The following ASTN2 variants were observed in gnomAD, a reference collection of about 807,000 sequenced individuals.
The protein encoded by ASTN2 is astrotactin-2.
In ASTN2, 54 loss-of-function variants were observed where a neutral mutation model predicts 139.8. The ratio of observed to expected loss-of-function variants is 0.39; its 90% CI spans 0.31 to 0.48. The LOEUF is 0.48. Among genes scored for constraint, ASTN2 ranks in the 20% least tolerant of loss-of-function variants. The probability of loss-of-function intolerance (pLI) is 0.95; values close to 1 mark genes in which losing one functional copy is unlikely to be tolerated. For missense variants in ASTN2, 1,565 were observed against 1,725.1 expected (o/e 0.91, Z 1.64); for synonymous variants, 756 against 719.5 (o/e 1.05, Z -0.81).
chr9:116,605,319 C>T (rs574246799), intron 19 of ASTN2, among the ~76,000 whole-genome samples: 134 of 152,162 alleles, frequency 8.8e-4, no homozygotes, highest in African/African-American at 3.1e-3. Flanking sequence ...GTGGATAGGG[C>T]CTGCTGCCTC....
intron 4 of ASTN2, among the ~76,000 whole-genome samples, chr9:117,128,371 CAAAAAAAAAAAAAAAAAA>C (rs1167187783): frequency 1.5e-5 from 1 of 66,414 alleles, no homozygotes; most frequent in African/African-American, 5.9e-5. Context: ...GACACTGTCT[CAAAAAAAAAAAAAAAAAA>C]AAAAAAAAAA....
chr9:116,461,578 TG>T (rs1588081176), intron 20 of ASTN2, among the ~76,000 whole-genome samples: 1 of 152,124 alleles, frequency 6.6e-6, no homozygotes, highest in East Asian at 1.9e-4. Flanking sequence ...CCTCTTCATC[TG>T]GGACCATGTG....
At chr9:116,516,620 C>T (rs1054544262) in intron 19 of ASTN2, among the ~76,000 whole-genome samples, 1 of 152,184 alleles carries the variant, frequency 6.6e-6, no homozygotes, top group Non-Finnish European at 1.5e-5. Flanking sequence ...AATCCACAGA[C>T]CCTTTGAAGG....
intron 20 of ASTN2, among the ~76,000 whole-genome samples, chr9:116,481,575 A>C (rs925030520): frequency 6.6e-6 from 1 of 152,192 alleles, no homozygotes; most frequent in African/African-American, 2.4e-5. Flanking sequence ...TTTGAAAAAC[A>C]TAGAGTGGCA....
chr9:117,101,134 A>G (rs1052522569), intron 4 of ASTN2, among the ~76,000 whole-genome samples: 1 of 152,206 alleles, frequency 6.6e-6, no homozygotes, highest in African/African-American at 2.4e-5. Context: ...GTTTAACAGA[A>G]TGAAAGGGAG....
intron 1 of ASTN2, among the ~76,000 whole-genome samples, chr9:117,350,832 A>G (rs1829365186): frequency 6.6e-6 from 1 of 152,200 alleles, no homozygotes; most frequent in African/African-American, 2.4e-5. Flanking sequence ...CAAAATGTCT[A>G]GAAGTTCGGT....
At chr9:117,384,636 C>T (rs780085596) in intron 1 of ASTN2, among the ~76,000 whole-genome samples, 16 of 152,218 alleles carry the variant, frequency 1.1e-4, no homozygotes, top group Non-Finnish European at 2.2e-4. Flanking sequence ...CCACATGATA[C>T]ACTGAGAGGG....
intron 6 of ASTN2, among the ~76,000 whole-genome samples, chr9:117,016,602 ATC>A (rs1564385612): frequency 0.3 from 10,614 of 34,986 alleles, 1,257 homozygotes; most frequent in South Asian, 0.34. Context: ...TTATATATAT[ATC>A]TATATCTATA....
intron 1 of ASTN2, among the ~76,000 whole-genome samples, chr9:117,302,671 G>T (rs775151622): frequency 1.2e-4 from 19 of 152,138 alleles, no homozygotes; most frequent in Non-Finnish European, 2.2e-4. Flanking sequence ...GACCTGACAT[G>T]TAAAATGCAA....
At chr9:116,901,274 G>C (rs1346132791) in intron 10 of ASTN2, among the ~76,000 whole-genome samples, 1 of 152,172 alleles carries the variant, frequency 6.6e-6, no homozygotes, top group Non-Finnish European at 1.5e-5. Flanking sequence ...CCCATAAGGA[G>C]GCTGAGGTGG....
intron 1 of ASTN2, among the ~76,000 whole-genome samples, chr9:117,292,090 A>G (rs1834608985): frequency 6.6e-6 from 1 of 152,082 alleles, no homozygotes; most frequent in Non-Finnish European, 1.5e-5. Flanking sequence ...ATTTTTTGTA[A>G]GGTATATACT....
chr9:116,554,556 ATGGCTTGTTTT>A (rs1852510410), intron 19 of ASTN2, among the ~76,000 whole-genome samples: 1 of 152,204 alleles, frequency 6.6e-6, no homozygotes, highest in African/African-American at 2.4e-5. Flanking sequence ...GTCATGAAGG[ATGGCTTGTTTT>A]AGTGCTAATA....
intron 13 of ASTN2, among the ~76,000 whole-genome samples, chr9:116,777,314 T>A (rs1302865416): frequency 6.6e-6 from 1 of 152,068 alleles, no homozygotes; most frequent in Non-Finnish European, 1.5e-5. Flanking sequence ...AATTTGATAA[T>A]CATATCCTTC....
intron 17 of ASTN2, among the ~76,000 whole-genome samples, chr9:116,627,803 T>G (rs1856539399): frequency 6.6e-6 from 1 of 152,144 alleles, no homozygotes; most frequent in Admixed American, 6.6e-5. Flanking sequence ...TGATATTTAT[T>G]GAGTACTTAC....
At chr9:117,040,068 A>AAAAAGAAAAG (rs1408984371) in intron 5 of ASTN2, 103 bp from the exon 6 acceptor site, 2 of 1,321,756 alleles carry the variant, frequency 1.5e-6, no homozygotes, top group Admixed American at 2.7e-5. Flanking sequence ...GGGAATCTGA[A>AAAAAGAAAAG]AAAAGAAAAG....
At chr9:117,211,498 T>C (rs1832126250) in intron 3 of ASTN2, among the ~76,000 whole-genome samples, 3 of 152,214 alleles carry the variant, frequency 2.0e-5, no homozygotes, top group African/African-American at 4.8e-5. Flanking sequence ...TCTCTCCTGC[T>C]GTGCCATGTG....
rs117997571 is a variant in ASTN2 at position 117,296,964 on chromosome 9, G to A, written c.443-5451C>T. Among the ~76,000 whole-genome samples, 12 of 152,314 alleles carry A rather than the reference G, an allele frequency of 7.9e-5. No homozygotes were observed. In the East Asian group the frequency reaches 2.3e-3, roughly 29 times the overall value. On this transcript the variant is annotated intron_variant, in intron 1 of 22. Transcript: ENST00000313400. Reference sequence around the variant, plus strand: ...CCATCCTGCCTCGGTGGCCACTGATGCCTTTCAGCCTCCCGGAAAAGAAAT... The same window carrying A: ...CCATCCTGCCTCGGTGGCCACTGATACCTTTCAGCCTCCCGGAAAAGAAAT...
chr9:117,221,294 A>G (rs1832508512), intron 2 of ASTN2, among the ~76,000 whole-genome samples: 1 of 152,062 alleles, frequency 6.6e-6, no homozygotes, highest in African/African-American at 2.4e-5. Context: ...AAACCACCCC[A>G]CCAAGAGAGC....
chr9:117,158,989 C>T (rs1027916095), intron 3 of ASTN2, among the ~76,000 whole-genome samples: 2 of 151,904 alleles, frequency 1.3e-5, no homozygotes, highest in African/African-American at 4.8e-5. Context: ...CCTACCTCAT[C>T]CTCTCTCCAG....
Sources: gnomAD v4.1 joint callset for allele counts (sites outside exome capture counted in the v4.1 genomes callset) on GRCh38, gnomAD v4.1.1 for gene constraint, MANE v1.5 for transcripts, NCBI Gene and HGNC (gene_info 2026-07-23, HGNC 2026-07-21) for gene names.